C3orf20: variants seen among roughly 807,000 people sequenced by gnomAD.
C3orf20 encodes the protein uncharacterized protein C3orf20.
Under a neutral mutation model 88.3 loss-of-function variants are expected in C3orf20, and 76 were observed. The ratio of observed to expected loss-of-function variants is 0.86; its 90% CI spans 0.72 to 1.04. The LOEUF (loss-of-function observed/expected upper bound fraction) is 1.04, where lower values mean the gene tolerates loss of function less well. C3orf20 is among the 50% of genes least tolerant of loss of function. The pLI is 0.00. For missense variants in C3orf20, 1,056 were observed against 1,123.3 expected, an observed-to-expected ratio of 0.94 and a Z score of 0.86; for synonymous variants, 436 against 437.4, an observed-to-expected ratio of 1.00 and a Z score of 0.04.
At chr3:14,720,998 A>G (rs2034137755) in intron 9 of C3orf20, among the ~76,000 whole-genome samples, 1 of 152,064 alleles carries the variant, frequency 6.6e-6, no homozygotes, top group Non-Finnish European at 1.5e-5. Flanking sequence ...AGGGCAACTC[A>G]CTCTCCCCAA....
intron 10 of C3orf20, among the ~76,000 whole-genome samples, chr3:14,725,727 A>T (rs2034323319): frequency 6.6e-6 from 1 of 152,208 alleles, no homozygotes; most frequent in Non-Finnish European, 1.5e-5. Flanking sequence ...GAAATCTGAT[A>T]CTGCCCACCC....
chr3:14,704,711 T>A, intron 7 of C3orf20, 93 bp downstream of exon 7: 1 of 1,476,686 alleles, frequency 6.8e-7, no homozygotes, highest in Non-Finnish European at 9.1e-7. Context: ...CCTTGGGCCT[T>A]TTAGTTATCA....
chr3:14,758,420 G>A (rs2035452012), intron 13 of C3orf20, among the ~76,000 whole-genome samples: 1 of 152,212 alleles, frequency 6.6e-6, no homozygotes, highest in Admixed American at 6.5e-5. Flanking sequence ...CATCGCTGCA[G>A]TAGAGTCGTT....
intron 4 of C3orf20, among the ~76,000 whole-genome samples, chr3:14,688,764 A>G (rs978188021): frequency 2.0e-5 from 3 of 151,990 alleles, no homozygotes; most frequent in Admixed American, 2.0e-4. Flanking sequence ...TCACCTTTGC[A>G]GTTTCCTTTG....
intron 12 of C3orf20, among the ~76,000 whole-genome samples, chr3:14,733,496 T>G (rs985986007): frequency 3.9e-5 from 6 of 152,230 alleles, no homozygotes; most frequent in Non-Finnish European, 8.8e-5. Context: ...TATGGATTAT[T>G]TCTTCCCTAA....
At chr3:14,750,720 CGTT>C (rs1372310480) in intron 12 of C3orf20, among the ~76,000 whole-genome samples, 1 of 151,980 alleles carries the variant, frequency 6.6e-6, no homozygotes, top group Admixed American at 6.6e-5. Flanking sequence ...TTGCTTCTCC[CGTT>C]GTTTTCAAGA....
At chr3:14,715,867 TGATA>T (rs141778523) in intron 9 of C3orf20, among the ~76,000 whole-genome samples, 23,836 of 152,034 alleles carry the variant, frequency 0.16, 2,102 homozygotes, top group Non-Finnish European at 0.2. Flanking sequence ...CAAAAGTGAC[TGATA>T]GATAGAAACT....
chr3:14,741,122 C>T (rs111760695), intron 12 of C3orf20, among the ~76,000 whole-genome samples: 2 of 152,156 alleles, frequency 1.3e-5, no homozygotes, highest in African/African-American at 2.4e-5. Flanking sequence ...TTTCAACAGG[C>T]GAGTAGGCTG....
At chr3:14,757,337 T>G in intron 12 of C3orf20, 34 bp from the exon 13 acceptor site, 1 of 1,572,340 alleles carries the variant, frequency 6.4e-7, no homozygotes, top group South Asian at 1.1e-5. Flanking sequence ...CACCACCTTC[T>G]GAGGGTCCCT....
chr3:14,743,323 A>G (rs965590100), intron 12 of C3orf20, among the ~76,000 whole-genome samples: 3 of 152,014 alleles, frequency 2.0e-5, no homozygotes, highest in African/African-American at 7.3e-5. Context: ...AAGCTTTGAA[A>G]TGACCTCCTT....
In C3orf20 at chr3:14,683,184, G is replaced by C. The variant is rs371887503; in HGVS notation, c.471G>C (p.Val157=). 156 of 1,590,538 alleles carry C rather than the reference G, an allele frequency of 9.8e-5. No individual in the cohort carries two copies. Among genetic ancestry groups the C allele is most frequent in the Non-Finnish European group, 1.3e-4 (147 of 1,168,238 alleles). ...TCAGACTGAAGATGAAGGCCATGGT[G>C]GAGTCTATGTCGGGTAAGGCCCAGA... is the stretch of plus-strand genomic sequence containing the variant. ...ELLRLKMKAM[V]ESMSVGANPL... The change falls in exon 3 of 17, where the codon GTG becomes GTC. Residue 157 remains valine, a synonymous_variant. Transcript: ENST00000253697.
chr3:14,737,050 C>G (rs1406484708), intron 12 of C3orf20, among the ~76,000 whole-genome samples: 6 of 151,924 alleles, frequency 3.9e-5, no homozygotes, highest in Non-Finnish European at 8.8e-5. Flanking sequence ...GTTTTTTTCT[C>G]TCACCTTTAG....
intron 12 of C3orf20, 57 bp downstream of exon 12, chr3:14,728,745 A>G: frequency 6.3e-7 from 1 of 1,577,120 alleles, no homozygotes; most frequent in Non-Finnish European, 8.6e-7. Flanking sequence ...GGCAGTGGGC[A>G]CAGGATAGTG....
At chr3:14,765,037 C>T (rs2035667347) in intron 15 of C3orf20, 1 of 152,262 alleles carries the variant, frequency 6.6e-6, no homozygotes, top group African/African-American at 2.4e-5. Flanking sequence ...CCGGCCGCAT[C>T]ACCTGGATTC....
chr3:14,741,599 T>G (rs1253815424), intron 12 of C3orf20, among the ~76,000 whole-genome samples: 1 of 152,226 alleles, frequency 6.6e-6, no homozygotes, highest in Non-Finnish European at 1.5e-5. Context: ...TTGTCAGAAG[T>G]GAAACACCTG....
chr3:14,714,265 G>A (rs1001085230), intron 8 of C3orf20, 106 bp downstream of exon 8: 23 of 1,272,870 alleles, frequency 1.8e-5, no homozygotes, highest in South Asian at 1.3e-4. Flanking sequence ...GAAGCCAGGC[G>A]GTGTCCAGAG....
At chr3:14,707,881 G>A (rs1331657721) in intron 7 of C3orf20, among the ~76,000 whole-genome samples, 2 of 129,280 alleles carry the variant, frequency 1.5e-5, no homozygotes, top group African/African-American at 2.9e-5. Flanking sequence ...GTACAATGAC[G>A]TGATCTCAGC....
chr3:14,689,305 A>G (rs2032596772), intron 4 of C3orf20, among the ~76,000 whole-genome samples: 1 of 152,196 alleles, frequency 6.6e-6, no homozygotes, highest in Non-Finnish European at 1.5e-5. Flanking sequence ...TGGAATCTCT[A>G]TAGTCTTTGT....
chr3:14,682,711 C>T lies in C3orf20; in HGVS notation c.-3C>T. ...GCTCTCTTTATAGCTGAAGGTCCCTCTCATGAGTTACATCAAGAGTAACCT... is the reference window on the plus strand; with the variant it reads ...GCTCTCTTTATAGCTGAAGGTCCCTTTCATGAGTTACATCAAGAGTAACCT... On this transcript the variant is annotated 5_prime_UTR_variant, in exon 3 of 17. Coordinates refer to ENST00000253697, the MANE Select transcript of C3orf20 (RefSeq NM_032137.5). 18 of 1,602,088 alleles carry T rather than the reference C, an allele frequency of 1.1e-5. No individual in the cohort carries two copies. Among genetic ancestry groups the T allele is most frequent in the Non-Finnish European group, 1.5e-5 (18 of 1,173,884 alleles).
Sources: gnomAD v4.1 joint callset for allele counts (sites outside exome capture counted in the v4.1 genomes callset) on GRCh38, gnomAD v4.1.1 for gene constraint, MANE v1.5 for transcripts, NCBI Gene and HGNC (gene_info 2026-07-23, HGNC 2026-07-21) for gene names.